Variants in CFAP58 observed in about 807,000 individuals in gnomAD.
The protein encoded by CFAP58 is cilia and flagella associated protein 58.
A neutral mutation model predicts 119.5 loss-of-function variants in CFAP58; 88 were observed. The ratio of observed to expected loss-of-function variants is 0.74; its 90% CI spans 0.62 to 0.88. The LOEUF is 0.88. Ranked by LOEUF, CFAP58 falls within the 40% of genes least tolerant of loss-of-function variation. The probability of loss-of-function intolerance (pLI) is 0.00; values close to 1 mark genes in which losing one functional copy is unlikely to be tolerated. For synonymous variants in CFAP58, 365 were observed against 366.3 expected, an observed-to-expected ratio of 1.00 and a Z score of 0.04; for missense variants, 990 against 1,021.2, an observed-to-expected ratio of 0.97 and a Z score of 0.42.
chr10:104,418,581 C>T (rs1284878201), intron 15 of CFAP58, among the ~76,000 whole-genome samples: 1 of 152,140 alleles, frequency 6.6e-6, no homozygotes, highest in Non-Finnish European at 1.5e-5. Flanking sequence ...AAACCTTAGT[C>T]ATTGGAATCG....
intron 10 of CFAP58, 63 bp downstream of exon 10, chr10:104,392,457 C>A: frequency 8.3e-7 from 1 of 1,207,828 alleles, no homozygotes; most frequent in Non-Finnish European, 1.1e-6. Flanking sequence ...AAAACAGTTT[C>A]TGTTATCCTA....
At chr10:104,344,216 G>A in the CFAP58 span, among the ~76,000 whole-genome samples, 1 of 152,220 alleles carries the variant, frequency 6.6e-6, no homozygotes, top group South Asian at 2.1e-4. Flanking sequence ...TCTCCTTGTA[G>A]TTAATGTCTA....
chr10:104,361,842 C>T (rs530264635), intron 2 of CFAP58, among the ~76,000 whole-genome samples, 181 bp from the exon 3 acceptor site: 5 of 152,332 alleles, frequency 3.3e-5, no homozygotes, highest in East Asian at 3.9e-4. Context: ...TGTACCACCA[C>T]GTCCAGTCCA....
At chr10:104,453,030 T>C (rs915793150) in intron 17 of CFAP58, among the ~76,000 whole-genome samples, 1 of 152,180 alleles carries the variant, frequency 6.6e-6, no homozygotes, top group Non-Finnish European at 1.5e-5. Flanking sequence ...ATTATAATGG[T>C]CTATAAATAC....
At chr10:104,416,692 A>G (rs1051720039) in intron 15 of CFAP58, among the ~76,000 whole-genome samples, 1 of 152,196 alleles carries the variant, frequency 6.6e-6, no homozygotes, top group African/African-American at 2.4e-5. Flanking sequence ...AAATGCTTGT[A>G]TAGGTATTAT....
At chr10:104,419,302 C>T (rs2012615227) in intron 15 of CFAP58, among the ~76,000 whole-genome samples, 1 of 152,076 alleles carries the variant, frequency 6.6e-6, no homozygotes, top group Non-Finnish European at 1.5e-5. Flanking sequence ...TATGAACATT[C>T]TCAGAGGGTG....
chr10:104,430,822 A>G (rs2012832980), intron 15 of CFAP58, among the ~76,000 whole-genome samples: 1 of 152,264 alleles, frequency 6.6e-6, no homozygotes, highest in Admixed American at 6.5e-5. Context: ...AATTAATTTT[A>G]ATAACATTGT....
intron 7 of CFAP58, among the ~76,000 whole-genome samples, chr10:104,376,470 T>G (rs1025923678): frequency 7.5e-6 from 1 of 133,322 alleles, no homozygotes; most frequent in African/African-American, 2.9e-5. Flanking sequence ...GCCACTGCAC[T>G]CCAGCCTGGG....
rs1356453642 is a variant in CFAP58, at chr10:104,386,185, C to CAACTTGG, written c.1365+5965_1365+5966insAACTTGG. ...CTGAGGTCAGGAGTTCAAGTCCAGC[C>CAACTTGG]TGGCCAACATGGTGAAACACCATTT... On this transcript the variant is annotated intron_variant, in intron 9 of 17. Coordinates refer to ENST00000369704, the MANE Select transcript of CFAP58 (RefSeq NM_001008723.2). 4.0e-5 allele frequency among the ~76,000 whole-genome samples: 6 copies of CAACTTGG among 151,216 alleles called. No homozygotes were observed. In the East Asian group the frequency reaches 1.2e-3, roughly 29 times the overall value.
At chr10:104,387,057 T>C (rs916225120) in intron 9 of CFAP58, among the ~76,000 whole-genome samples, 1 of 152,250 alleles carries the variant, frequency 6.6e-6, no homozygotes, top group Non-Finnish European at 1.5e-5. Context: ...TTCATTTAGC[T>C]TGGCATTTGC....
At chr10:104,379,327 T>C (rs1411346365) in intron 8 of CFAP58, among the ~76,000 whole-genome samples, 1 of 152,250 alleles carries the variant, frequency 6.6e-6, no homozygotes, top group Non-Finnish European at 1.5e-5. Context: ...TCATCCGTTG[T>C]AGCACGCATC....
At chr10:104,452,127 A>C (rs2013206485) in intron 17 of CFAP58, among the ~76,000 whole-genome samples, 2 of 152,118 alleles carry the variant, frequency 1.3e-5, no homozygotes, top group Non-Finnish European at 2.9e-5. Flanking sequence ...TTTTAGATTT[A>C]CCTGCAATGT....
At chr10:104,383,165 C>G (rs749883068) in intron 9 of CFAP58, among the ~76,000 whole-genome samples, 7 of 152,164 alleles carry the variant, frequency 4.6e-5, no homozygotes, top group Non-Finnish European at 8.8e-5. Flanking sequence ...ATTCACCCTT[C>G]GAGACCTAAC....
In CFAP58 at chr10:104,438,366, TTTTTTTTG is replaced by T. The variant is rs1428271683; in HGVS notation, c.2257-9324_2257-9317del. 2.2e-3 allele frequency among the ~76,000 whole-genome samples: 279 copies of T among 124,390 alleles called. 12 individuals are homozygous for T. Among genetic ancestry groups the T allele is most frequent in the African/African-American group, 0.01 (254 of 24,816 alleles). 81.6% of individuals were successfully genotyped at this position (124,390 alleles called of 152,430 possible). A position where few individuals can be genotyped will look rare whatever the true frequency, so the allele number is the denominator to read the frequency against. ...GTTTTTTGTTTTTTTTTTTTGTTTT[TTTTTTTTG>T]TTTTTTTTTTTTGAGACGGAGTCTC... On this transcript the variant is annotated intron_variant, in intron 15 of 17. Transcript: ENST00000369704.
intron 9 of CFAP58, among the ~76,000 whole-genome samples, chr10:104,387,390 G>A (rs1390797527): frequency 1.3e-5 from 2 of 152,142 alleles, no homozygotes; most frequent in African/African-American, 2.4e-5. Context: ...ACAAAGCCAC[G>A]CATACAGGCA....
intron 15 of CFAP58, among the ~76,000 whole-genome samples, chr10:104,410,005 C>T (rs2012436169): frequency 6.6e-6 from 1 of 152,190 alleles, no homozygotes; most frequent in Admixed American, 6.5e-5. Flanking sequence ...AGTCTTCCCA[C>T]TAACCATTAC....
At chr10:104,362,382 A>T (rs1239344054) in intron 3 of CFAP58, among the ~76,000 whole-genome samples, 2 of 152,174 alleles carry the variant, frequency 1.3e-5, no homozygotes, top group Non-Finnish European at 2.9e-5. Context: ...GGTTATCTTA[A>T]ACTTCTGCCT....
intron 15 of CFAP58, among the ~76,000 whole-genome samples, chr10:104,435,829 A>G (rs886674708): frequency 3.3e-5 from 5 of 152,142 alleles, no homozygotes; most frequent in African/African-American, 1.2e-4. Flanking sequence ...CTGGGCTTAT[A>G]TTTCTTAAAA....
At position 104,454,829 on chromosome 10, in the gene CFAP58, A is replaced by G; in HGVS notation, c.*299A>G. ...AGACCTTAATTTCTTTATTACAGAC[A>G]TTGGTGTACTTGAAGGTTTTATATT... On this transcript the variant is annotated 3_prime_UTR_variant, in exon 18 of 18. Coordinates refer to ENST00000369704, the MANE Select transcript of CFAP58 (RefSeq NM_001008723.2). 3.8e-6 allele frequency: 1 copy of G among 261,422 alleles called. No individual in the cohort carries two copies. Among genetic ancestry groups the G allele is most frequent in the East Asian group, 7.9e-5 (1 of 12,632 alleles). The allele number at this position is 261,422 out of a possible 1,614,324, so 16.2% of individuals were successfully genotyped here.
Sources: allele counts gnomAD v4.1 joint callset (sites outside exome capture counted in the v4.1 genomes callset), GRCh38; gene constraint gnomAD v4.1.1; transcripts MANE v1.5; gene names NCBI Gene and HGNC (gene_info 2026-07-23, HGNC 2026-07-21).